Variants in POPDC2 observed in about 807,000 individuals in gnomAD.
POPDC2 encodes popeye domain cAMP effector 2.
POPDC2 carries 24 observed loss-of-function variants against 30.5 expected under a neutral mutation model. The ratio of observed to expected loss-of-function variants is 0.79; its 90% CI spans 0.57 to 1.11. The LOEUF (loss-of-function observed/expected upper bound fraction) is 1.11, where lower values mean the gene tolerates loss of function less well. POPDC2 is among the 50% of genes least tolerant of loss of function. The pLI, the probability that POPDC2 is intolerant of heterozygous loss-of-function variation, is 0.00. For synonymous variants in POPDC2, 185 were observed against 183.3 expected (o/e 1.01, Z -0.07); for missense variants, 409 against 447.0 (o/e 0.91, Z 0.77).
rs575454249 is a variant in POPDC2, at chr3:119,645,557, C to T, written c.*43+2562G>A. ...CAGCCTGGGTGACAAAGCGAGACTC[C>T]GTCTCAAACAAAAAAAAAAAAAAAA... is the stretch of plus-strand genomic sequence containing the variant. On this transcript the variant is annotated intron_variant, in intron 3 of 3. Coordinates refer to ENST00000493094, the MANE Select transcript of POPDC2 (RefSeq NM_001369919.2). Among the ~76,000 whole-genome samples the T allele has an allele frequency of 5.0e-3, 618 of 122,404 alleles. 3 individuals are homozygous for T. Among genetic ancestry groups the T allele is most frequent in the African/African-American group, 0.019 (590 of 31,714 alleles). The allele number at this position is 122,404 out of a possible 152,430, so 80.3% of individuals were successfully genotyped here.
chr3:119,659,982 C>T lies in POPDC2; in HGVS notation c.442G>A (p.Val148Met). The T allele has an allele frequency of 6.2e-7, 1 of 1,608,908 alleles. No homozygotes were observed. Residue 148 changes from valine to methionine, a missense_variant, in exon 1 of 4, where the codon GTG becomes ATG. Transcript: ENST00000493094. ...LTLATEQTYAVEGETPINRLS... is the reference protein window; with the variant it reads ...LTLATEQTYAMEGETPINRLS... Reference sequence around the variant, plus strand: ...CGGTTGATGGGTGTCTCACCCTCCACAGCATAGGTCTGTTCAGTGGCCAGA... The same window carrying T: ...CGGTTGATGGGTGTCTCACCCTCCATAGCATAGGTCTGTTCAGTGGCCAGA...
At chr3:119,660,628 T>TTCTC (rs370359165), upstream of POPDC2, 7 of 413,424 alleles carry the variant, frequency 1.7e-5, no homozygotes, top group East Asian at 3.9e-5. Flanking sequence ...AAAAACCTCT[T>TTCTC]TCTCTCTCTC....
At chr3:119,660,730 T>C (rs1420909238), upstream of POPDC2, 3 of 222,186 alleles carry the variant, frequency 1.4e-5, no homozygotes, top group Non-Finnish European at 2.6e-5. Flanking sequence ...TCTGGCAAGC[T>C]TCCTTGGTTC....
Position 119,660,251 on chromosome 3 carries a change from C to T in POPDC2, c.173G>A (p.Ser58Asn). The part of the protein sequence containing the change: ...YGCFYLFGFL[S>N]AGYLCCVLWG... ...CAGCACGCAGCACAGGTAACCTGCA[C>T]TCAGGAAGCCAAAAAGATAGAAGCA... Residue 58 changes from serine to asparagine, a missense_variant, in exon 1 of 4, where the codon AGT becomes AAT. Coordinates refer to ENST00000493094, the MANE Select transcript of POPDC2 (RefSeq NM_001369919.2). 6.2e-7 allele frequency: 1 copy of T among 1,614,192 alleles called. No homozygotes were observed. The highest frequency in any genetic ancestry group is 8.5e-7 in the Non-Finnish European group (1 of 1,180,038).
At chr3:119,645,911 G>GA (rs1332836565) in intron 3 of POPDC2, among the ~76,000 whole-genome samples, 2 of 152,192 alleles carry the variant, frequency 1.3e-5, no homozygotes, top group Non-Finnish European at 2.9e-5. Context: ...ACGCTCAAAT[G>GA]AAGAAAGTAA....
Position 119,653,500 on chromosome 3 carries a change from C to T in POPDC2, c.600+1005G>A, listed in dbSNP as rs149732314. Among the ~76,000 whole-genome samples, 89 of 148,618 alleles carry T rather than the reference C, an allele frequency of 6.0e-4. 1 individual carries two copies. The highest frequency in any genetic ancestry group is 2.1e-3 in the African/African-American group (85 of 40,186). On this transcript the variant is annotated intron_variant, in intron 2 of 3. Transcript: ENST00000493094. ...AATTCTTTTTTTTTTTTTTTTGAGA[C>T]GGAGTCTCACTCTGTCGCCCAGGCT...
intron 2 of POPDC2, among the ~76,000 whole-genome samples, chr3:119,651,430 T>C (rs2052807782): frequency 6.6e-6 from 1 of 152,092 alleles, no homozygotes; most frequent in Non-Finnish European, 1.5e-5. Flanking sequence ...TCATTATGCC[T>C]ATGGCTTTTT....
chr3:119,654,701 T>C (rs2052859971), intron 1 of POPDC2, 88 bp from the exon 2 acceptor site: 3 of 895,400 alleles, frequency 3.4e-6, no homozygotes, highest in Admixed American at 1.9e-5. Context: ...CTGATTAACA[T>C]GAATCTTCCT....
chr3:119,657,757 G>T (rs759195062), intron 1 of POPDC2, among the ~76,000 whole-genome samples: 1 of 152,160 alleles, frequency 6.6e-6, no homozygotes, highest in Non-Finnish European at 1.5e-5. Flanking sequence ...CATTTAAATC[G>T]GAATGCTGTG....
intron 3 of POPDC2, among the ~76,000 whole-genome samples, chr3:119,644,746 T>C (rs908881211): frequency 6.6e-6 from 1 of 152,198 alleles, no homozygotes; most frequent in African/African-American, 2.4e-5. Context: ...TGAATAGCAA[T>C]GAGCTTAACA....
intron 3 of POPDC2, among the ~76,000 whole-genome samples, chr3:119,642,906 T>C (rs2052706898): frequency 1.3e-5 from 2 of 152,238 alleles, no homozygotes; most frequent in South Asian, 4.1e-4. Flanking sequence ...ATGGTAAGTT[T>C]CATAAGACTC....
chr3:119,648,042 AT>A lies in POPDC2; in HGVS notation c.*43+76del, dbSNP rs34801609. On this transcript the variant is annotated intron_variant, in intron 3 of 3. Transcript: ENST00000493094. ...TCTAAGAGGAAATGTTCCACGAATG[AT>A]TTTTTTTGCCCTAACAAGCTGAGTT... 4.4e-4 allele frequency: 522 copies of A among 1,189,804 alleles called. 1 individual carries two copies. In the African/African-American group the frequency reaches 5.0e-3, roughly 11 times the overall value. 73.7% of individuals were successfully genotyped at this position (1,189,804 alleles called of 1,614,324 possible).
chr3:119,655,534 TCTC>T (rs2052869746), intron 1 of POPDC2, among the ~76,000 whole-genome samples: 1 of 152,178 alleles, frequency 6.6e-6, no homozygotes, highest in Non-Finnish European at 1.5e-5. Flanking sequence ...CTCCACAGAT[TCTC>T]CTTTCTCCCT....
At chr3:119,658,906 T>C (rs566575671) in intron 1 of POPDC2, among the ~76,000 whole-genome samples, 5 of 128,902 alleles carry the variant, frequency 3.9e-5, no homozygotes, top group African/African-American at 1.1e-4. Context: ...GGCAGTATTA[T>C]CTGGATTTGC....
intron 2 of POPDC2, among the ~76,000 whole-genome samples, chr3:119,650,487 T>A (rs1221998356): frequency 6.6e-6 from 1 of 152,222 alleles, no homozygotes; most frequent in Admixed American, 6.5e-5. Flanking sequence ...TCTAAGCTGC[T>A]GAGTCTGATG....
Position 119,647,057 on chromosome 3 carries a change from A to C in POPDC2, c.*43+1062T>G, listed in dbSNP as rs140429852. 1.8e-4 allele frequency among the ~76,000 whole-genome samples: 27 copies of C among 152,342 alleles called. No individual in the cohort carries two copies. In the East Asian group the frequency reaches 2.5e-3, roughly 14 times the overall value. ...GGAGATTGTAAATTCCATATCTACA[A>C]AACTAAATCTCTAACCTTTCATCAG... On this transcript the variant is annotated intron_variant, in intron 3 of 3. Coordinates refer to ENST00000493094, the MANE Select transcript of POPDC2 (RefSeq NM_001369919.2).
chr3:119,652,253 T>C (rs928520537), intron 2 of POPDC2, among the ~76,000 whole-genome samples: 28 of 152,316 alleles, frequency 1.8e-4, no homozygotes, highest in African/African-American at 5.8e-4. Flanking sequence ...TCTGACTTAA[T>C]TGAATTGTCG....
Position 119,648,343 on chromosome 3 carries a change from G to A in POPDC2, c.926C>T (p.Pro309Leu), listed in dbSNP as rs921670336. ...ATPTSLQQTP[P>L]CSTPPATTNF... ...GGTGGTAGCTGGAGGGGTAGAACAA[G>A]GGGGTGTTTGCTGGAGAGAGGTGGG... Residue 309 changes from proline (P) to leucine (L), a missense_variant, in exon 3 of 4, where the codon CCT becomes CTT. By Grantham distance (98) the Pro-to-Leu change is moderately conservative (BLOSUM62 -3). Coordinates refer to ENST00000493094, the MANE Select transcript of POPDC2 (RefSeq NM_001369919.2). 1.9e-6 allele frequency: 3 copies of A among 1,614,040 alleles called. No individual in the cohort carries two copies. The African/African-American group carries it at 4.0e-5, about 22-fold the overall frequency.
Position 119,660,495 on chromosome 3 carries a change from T to C in POPDC2, c.-72A>G. ...ATAGGAAATTCAGAAAATGAATGAA[T>C]CCATCCGCTCAGGGGTCTTCTCACC... On this transcript the variant is annotated 5_prime_UTR_variant, in exon 1 of 4. Transcript: ENST00000493094. The C allele has an allele frequency of 6.6e-7, 1 of 1,505,814 alleles. No individual in the cohort carries two copies. Among genetic ancestry groups the C allele is most frequent in the Non-Finnish European group, 8.9e-7 (1 of 1,124,660 alleles). 93.3% of individuals were successfully genotyped at this position (1,505,814 alleles called of 1,614,324 possible).
Sources: gnomAD v4.1 joint callset for allele counts (sites outside exome capture counted in the v4.1 genomes callset) on GRCh38, gnomAD v4.1.1 for gene constraint, MANE v1.5 for transcripts, NCBI Gene and HGNC (gene_info 2026-07-23, HGNC 2026-07-21) for gene names.